FLT4: variants seen among roughly 807,000 people sequenced by gnomAD.
FLT4 encodes the protein fms related receptor tyrosine kinase 4.
A neutral mutation model predicts 163.2 loss-of-function variants in FLT4; 30 were observed. The observed-to-expected ratio is 0.18, with a 90% CI of 0.14 to 0.25. The LOEUF (loss-of-function observed/expected upper bound fraction) is 0.25, where lower values mean the gene tolerates loss of function less well. FLT4 is among the 10% of genes least tolerant of loss of function. The pLI is 1.00. For missense variants in FLT4, 1,510 were observed against 1,863.8 expected, an observed-to-expected ratio of 0.81 and a Z score of 3.50; for synonymous variants, 884 against 789.5, an observed-to-expected ratio of 1.12 and a Z score of -2.01.
At chr5:180,646,137 C>T (rs1222749955) in intron 1 of FLT4, among the ~76,000 whole-genome samples, 3 of 152,230 alleles carry the variant, frequency 2.0e-5, no homozygotes, top group East Asian at 3.9e-4. Flanking sequence ...CTTATCTGGC[C>T]GGGTGCATCA....
chr5:180,642,600 T>G (rs1765213118), intron 1 of FLT4, among the ~76,000 whole-genome samples: 1 of 152,124 alleles, frequency 6.6e-6, no homozygotes, highest in African/African-American at 2.4e-5. Context: ...TCAACCCCAC[T>G]CTGTGCTCTC....
intron 29 of FLT4, among the ~76,000 whole-genome samples, chr5:180,604,820 C>T (rs1761702980): frequency 6.6e-6 from 1 of 152,212 alleles, no homozygotes; most frequent in South Asian, 2.1e-4. Flanking sequence ...TATATTGTCT[C>T]TTTTCTATTC....
intron 23 of FLT4, 22 bp downstream of exon 23, chr5:180,616,345 C>G (rs373196198): frequency 9.3e-6 from 15 of 1,613,724 alleles, no homozygotes; most frequent in Non-Finnish European, 1.3e-5. Flanking sequence ...CACGTTCCCT[C>G]TCCTCAATGG....
At chr5:180,621,512 C>T (rs754753180) in intron 13 of FLT4, 30 bp downstream of exon 13, 27 of 1,607,908 alleles carry the variant, frequency 1.7e-5, no homozygotes, top group East Asian at 4.5e-5. Context: ...GAAGAGAGCG[C>T]GTCCCCGCCC....
At chr5:180,611,124 G>A (rs1762156400) in intron 27 of FLT4, among the ~76,000 whole-genome samples, 1 of 152,218 alleles carries the variant, frequency 6.6e-6, no homozygotes, top group Non-Finnish European at 1.5e-5. Context: ...TGGGTGGACA[G>A]GACTCAAAAA....
At chr5:180,634,809 G>GGT (rs1561747824) in intron 1 of FLT4, among the ~76,000 whole-genome samples, 1,539 of 2,072 alleles carry the variant, frequency 0.74, 736 homozygotes, top group Middle Eastern at 0.83. Context: ...CAGATGGGTG[G>GGT]ATGGGTGGGT....
chr5:180,625,930 G>A lies in FLT4; in HGVS notation c.1360C>T (p.Leu454Phe), dbSNP rs1344796390. The change falls in exon 10 of 30, where the codon CTC becomes TTC. Residue 454 changes from leucine (L) to phenylalanine (F), a missense_variant. This residue lies in a region of FLT4 where 878 missense variants were observed against 1,016.7 expected (regional missense o/e 0.86). Transcript: ENST00000261937. ...GGCCGCCAGTGCCACTGGATGCTGA[G>A]AGGCAGGGGCACCCCGTAGGCCGTG... ...TCTAYGVPLP[L>F]SIQWHWRPWT... is the part of the protein sequence containing the mutation. The A allele has an allele frequency of 6.2e-6, 10 of 1,612,646 alleles. No homozygotes were observed. Among genetic ancestry groups the A allele is most frequent in the Non-Finnish European group, 8.5e-6 (10 of 1,179,980 alleles).
At chr5:180,629,500 C>T in intron 6 of FLT4, 73 bp from the exon 7 acceptor site, 1 of 1,564,606 alleles carries the variant, frequency 6.4e-7, no homozygotes, top group Non-Finnish European at 8.7e-7. Context: ...GGCACACCTC[C>T]CAGCCCAGCC....
intron 23 of FLT4, among the ~76,000 whole-genome samples, chr5:180,615,384 T>G (rs1762583912): frequency 7.2e-6 from 1 of 139,566 alleles, no homozygotes; most frequent in Non-Finnish European, 1.6e-5. Context: ...TCCACTTCCT[T>G]TCGGAGCACT....
In FLT4 at chr5:180,629,851, C is replaced by A. The variant is rs1176666553; in HGVS notation, c.677-16G>T. On this transcript the variant is annotated splice_polypyrimidine_tract_variant and intron_variant, in intron 5 of 29. Transcript: ENST00000261937. ...AGCTCGTTGCCTGTTGACACGCACA[C>A]AGTGACTCCCACGCCCTCACAGGAC... 6.2e-7 allele frequency: 1 copy of A among 1,612,628 alleles called. No individual in the cohort carries two copies. Among genetic ancestry groups the A allele is most frequent in the Non-Finnish European group, 8.5e-7 (1 of 1,179,902 alleles).
At position 180,624,569 on chromosome 5, in the gene FLT4, C is replaced by T. The variant is rs983087487; in HGVS notation, c.1422-508G>A. Among the ~76,000 whole-genome samples, 10 of 152,226 alleles carry T rather than the reference C, an allele frequency of 6.6e-5. No homozygotes were observed. In the South Asian group the frequency reaches 8.3e-4, roughly 13 times the overall value. On this transcript the variant is annotated intron_variant, in intron 10 of 29. Coordinates refer to ENST00000261937, the MANE Select transcript of FLT4 (RefSeq NM_182925.5). ...TCTCCCACCCTTCAGGCTCAGGACC[C>T]GGCAACCCATCCTACACAGGCTGCC...
At chr5:180,610,147 G>T in intron 27 of FLT4, 122 bp from the exon 28 acceptor site, 1 of 1,414,782 alleles carries the variant, frequency 7.1e-7, no homozygotes, top group Non-Finnish European at 9.8e-7. Flanking sequence ...GCAGGAGTAT[G>T]GATGGGCCTG....
chr5:180,629,007 A>G lies in FLT4; in HGVS notation c.986-8T>C. 6.2e-7 allele frequency: 1 copy of G among 1,606,544 alleles called. No individual in the cohort carries two copies. The highest frequency in any genetic ancestry group is 8.5e-7 in the Non-Finnish European group (1 of 1,174,380). On this transcript the variant is annotated splice_polypyrimidine_tract_variant and splice_region_variant and intron_variant, in intron 7 of 29. Coordinates refer to ENST00000261937, the MANE Select transcript of FLT4 (RefSeq NM_182925.5). ...CGCTGATGAAGGGATTTTCTGCCGG[A>G]CAGGAGAAGTCACTGTAAATCCAGG...
At chr5:180,629,058 G>T in intron 7 of FLT4, 59 bp from the exon 8 acceptor site, 1 of 1,512,668 alleles carries the variant, frequency 6.6e-7, no homozygotes, top group South Asian at 1.1e-5. Context: ...ACTGACCAGG[G>T]ACTCCCCCCA....
At chr5:180,613,424 G>T in intron 24 of FLT4, 1 of 347,570 alleles carries the variant, frequency 2.9e-6, no homozygotes, top group East Asian at 4.9e-5. Flanking sequence ...CGGGGGAGCC[G>T]CCTGCAGGCA....
intron 10 of FLT4, among the ~76,000 whole-genome samples, chr5:180,625,069 A>ACC (rs1763494649): frequency 6.6e-6 from 1 of 152,106 alleles, no homozygotes; most frequent in African/African-American, 2.4e-5. Flanking sequence ...TCCCCCACTG[A>ACC]CCACACCAGA....
chr5:180,610,493 G>A (rs1370449954), intron 27 of FLT4, among the ~76,000 whole-genome samples: 1 of 152,264 alleles, frequency 6.6e-6, no homozygotes, highest in Non-Finnish European at 1.5e-5. Context: ...TAGGGCAGAG[G>A]GACAGGACGC....
At chr5:180,609,565 G>C (rs1762015384) in intron 28 of FLT4, 1 of 389,842 alleles carries the variant, frequency 2.6e-6, no homozygotes, top group Non-Finnish European at 4.9e-6. Context: ...CCTGTGGTCT[G>C]GCCAAGGGCT....
In FLT4 at chr5:180,628,953, C is replaced by T. The variant is rs368333293; in HGVS notation, c.1032G>A (p.Glu344=). The T allele has an allele frequency of 6.3e-5, 101 of 1,612,810 alleles. 1 individual carries two copies. The African/African-American group carries it at 1.2e-3, about 19-fold the overall frequency. ...TCACCAGCTCGTCTCCTGCCGTGGC[C>T]TCCAGGATGGGTCCTTTGAGCCACT... is the stretch of plus-strand genomic sequence containing the variant. ...SVEWLKGPIL[E]ATAGDELVKL... The change falls in exon 8 of 30, where the codon GAG becomes GAA. Residue 344 remains glutamate, a synonymous_variant. Coordinates refer to ENST00000261937, the MANE Select transcript of FLT4 (RefSeq NM_182925.5).
Sources: gnomAD v4.1 joint callset for allele counts (sites outside exome capture counted in the v4.1 genomes callset) on GRCh38, gnomAD v4.1.1 for gene constraint, gnomAD v4.1.1 regional missense constraint, MANE v1.5 for transcripts, NCBI Gene and HGNC (gene_info 2026-07-23, HGNC 2026-07-21) for gene names.